Variants in FAM13A observed in about 807,000 individuals in gnomAD.
FAM13A encodes the protein family with sequence similarity 13 member A.
FAM13A carries 76 observed loss-of-function variants against 129.6 expected under a neutral mutation model. The ratio of observed to expected loss-of-function variants is 0.59; its 90% confidence interval spans 0.49 to 0.71. The LOEUF (loss-of-function observed/expected upper bound fraction) is 0.71. Ranked by LOEUF, FAM13A falls within the 30% of genes least tolerant of loss-of-function variation. FAM13A has a pLI of 0.00. For missense variants in FAM13A, 1,108 were observed against 1,249.3 expected (o/e 0.89, Z 1.70); for synonymous variants, 443 against 449.9 (o/e 0.98, Z 0.20).
At chr4:88,835,387 CA>C (rs1304626641) in intron 7 of FAM13A, among the ~76,000 whole-genome samples, 1 of 152,188 alleles carries the variant, frequency 6.6e-6, no homozygotes, top group African/African-American at 2.4e-5. Context: ...CAAAGCAGCT[CA>C]GTTGTCACTC....
At chr4:89,040,595 A>C (rs1227988551) in intron 1 of FAM13A, among the ~76,000 whole-genome samples, 2 of 152,308 alleles carry the variant, frequency 1.3e-5, no homozygotes, top group East Asian at 3.9e-4. Flanking sequence ...AAATTAGGGA[A>C]CTTGAGTTTG....
rs906160701 is a variant in FAM13A, at chr4:88,747,061, G to A, written c.2383-46C>T. ...AGAATTGAAAGAGAGGAAAATGTGT[G>A]TGAACATTCCAACTTCTTTACTTAA... On this transcript the variant is annotated intron_variant, in intron 18 of 23. Transcript: ENST00000264344. The A allele has an allele frequency of 2.4e-6, 3 of 1,271,134 alleles. No homozygotes were observed. In the African/African-American group the frequency reaches 4.4e-5, roughly 19 times the overall value. The allele number at this position is 1,271,134 out of a possible 1,614,324, so 78.7% of individuals were successfully genotyped here. A position where few individuals can be genotyped will look rare whatever the true frequency, so the allele number is the denominator to read the frequency against.
intron 3 of FAM13A, among the ~76,000 whole-genome samples, chr4:89,015,860 A>G (rs1424063584): frequency 6.6e-6 from 1 of 152,162 alleles, no homozygotes; most frequent in Non-Finnish European, 1.5e-5. Context: ...ATATACATAT[A>G]CATATATATG....
chr4:88,732,352 A>G (rs1271611726), intron 21 of FAM13A, 154 bp from the exon 22 acceptor site: 2 of 509,106 alleles, frequency 3.9e-6, no homozygotes. Flanking sequence ...CAGATATATT[A>G]TTGAACATCT....
chr4:89,025,425 C>T (rs867414014), intron 2 of FAM13A, among the ~76,000 whole-genome samples: 10 of 150,526 alleles, frequency 6.6e-5, no homozygotes, highest in South Asian at 6.4e-4. Flanking sequence ...CCACCGCGCC[C>T]GGCTAATTTT....
chr4:88,878,137 A>C (rs1215513665), intron 6 of FAM13A, among the ~76,000 whole-genome samples: 1 of 151,958 alleles, frequency 6.6e-6, no homozygotes, highest in African/African-American at 2.4e-5. Flanking sequence ...AAAAATACAA[A>C]AAATTAGCCA....
chr4:88,792,302 C>A (rs1180183599), intron 8 of FAM13A, among the ~76,000 whole-genome samples: 1 of 152,012 alleles, frequency 6.6e-6, no homozygotes, highest in Non-Finnish European at 1.5e-5. Flanking sequence ...GGATTTGAAC[C>A]AAGAAAGGTT....
rs997081304 is a variant in FAM13A at position 88,747,738 on chromosome 4, C to T, written c.2275G>A (p.Glu759Lys). The T allele has an allele frequency of 1.2e-6, 2 of 1,614,064 alleles. No individual in the cohort carries two copies. Among genetic ancestry groups the T allele is most frequent in the Non-Finnish European group, 1.7e-6 (2 of 1,180,024 alleles). The change falls in exon 18 of 24, where the codon GAG (glutamate) becomes AAG (lysine). Residue 759 changes from glutamate (E) to lysine (K), a missense_variant. By Grantham distance (56) the Glu-to-Lys change is moderately conservative. Transcript: ENST00000264344. The stretch of plus-strand genomic sequence containing the variant: ...GGCTTTATTGCTTTATCCACCAGCT[C>T]TTGCTTCTTCTCATCTTCTTTCTCA... ...QLEKEDEKKQ[E>K]LVDKAIKPSV...
intron 6 of FAM13A, among the ~76,000 whole-genome samples, chr4:88,863,789 G>GT (rs534886475): frequency 1.2e-3 from 180 of 151,374 alleles, no homozygotes; most frequent in African/African-American, 3.6e-3. Context: ...TTTTGTTTAT[G>GT]TTTTTTTTTC....
intron 11 of FAM13A, among the ~76,000 whole-genome samples, chr4:88,777,545 C>G (rs1722011188): frequency 6.6e-6 from 1 of 152,166 alleles, no homozygotes; most frequent in Non-Finnish European, 1.5e-5. Context: ...CTCACTGCCC[C>G]TGATTTCTGA....
chr4:88,862,027 C>A (rs1579004069), intron 6 of FAM13A, among the ~76,000 whole-genome samples: 1 of 152,072 alleles, frequency 6.6e-6, no homozygotes, highest in Admixed American at 6.6e-5. Flanking sequence ...TAAAAACATT[C>A]AATAGCAACA....
At chr4:89,056,402 C>G (rs907938913) in intron 1 of FAM13A, among the ~76,000 whole-genome samples, 1 of 152,136 alleles carries the variant, frequency 6.6e-6, no homozygotes, top group Admixed American at 6.6e-5. Context: ...AACAACCATT[C>G]ATTTCTACAG....
chr4:89,045,919 G>T (rs1202143539), intron 1 of FAM13A, among the ~76,000 whole-genome samples: 15 of 151,692 alleles, frequency 9.9e-5, no homozygotes, highest in African/African-American at 3.6e-4. Flanking sequence ...AGCTACTCGG[G>T]AGGCTGAGGC....
chr4:88,767,926 T>C (rs1746014747), intron 12 of FAM13A, 57 bp downstream of exon 12: 1 of 1,066,002 alleles, frequency 9.4e-7, no homozygotes, highest in African/African-American at 1.6e-5. Flanking sequence ...TTGCATTACA[T>C]GAAAATAACC....
chr4:88,867,543 C>T (rs763724114), intron 6 of FAM13A, among the ~76,000 whole-genome samples: 1 of 152,218 alleles, frequency 6.6e-6, no homozygotes, highest in Non-Finnish European at 1.5e-5. Flanking sequence ...GGCATGTTCA[C>T]AAATGACTGC....
chr4:89,033,401 G>A (rs1180196330), intron 1 of FAM13A, among the ~76,000 whole-genome samples: 1 of 152,134 alleles, frequency 6.6e-6, no homozygotes, highest in South Asian at 2.1e-4. Context: ...AGAGATGCCA[G>A]TAAAGTGCTC....
At chr4:89,047,270 T>C (rs1332092629) in intron 1 of FAM13A, among the ~76,000 whole-genome samples, 1 of 152,186 alleles carries the variant, frequency 6.6e-6, no homozygotes, top group African/African-American at 2.4e-5. Flanking sequence ...AAGTGGTTTT[T>C]TTTGGGGGGG....
chr4:88,977,196 T>C (rs948367104), intron 4 of FAM13A, among the ~76,000 whole-genome samples: 1 of 152,200 alleles, frequency 6.6e-6, no homozygotes, highest in African/African-American at 2.4e-5. Context: ...ATGACTACTC[T>C]TGCATTTGGG....
chr4:88,915,915 T>TCC (rs1186229825), intron 5 of FAM13A, among the ~76,000 whole-genome samples: 3 of 152,104 alleles, frequency 2.0e-5, no homozygotes, highest in African/African-American at 7.2e-5. Context: ...ACATGCCAGC[T>TCC]CCCCTTCCCC....
Sources: allele counts gnomAD v4.1 joint callset (sites outside exome capture counted in the v4.1 genomes callset), GRCh38; gene constraint gnomAD v4.1.1; transcripts MANE v1.5; gene names NCBI Gene and HGNC (gene_info 2026-07-23, HGNC 2026-07-21).